PPT1: variants seen among roughly 807,000 people sequenced by gnomAD.
The protein encoded by PPT1 is ceroid-palmitoyl-palmitoyl-protein thioesterase 1.
PPT1 carries 24 observed loss-of-function variants against 44.0 expected under a neutral mutation model. The observed-to-expected ratio is 0.54, with a 90% CI of 0.39 to 0.77. The LOEUF is 0.77. Ranked by LOEUF, PPT1 falls within the 30% of genes least tolerant of loss-of-function variation. PPT1 has a pLI of 0.00. For synonymous variants in PPT1, 148 were observed against 140.2 expected, an observed-to-expected ratio of 1.06 and a Z score of -0.39; for missense variants, 341 against 378.8, an observed-to-expected ratio of 0.90 and a Z score of 0.83.
intron 5 of PPT1, among the ~76,000 whole-genome samples, chr1:40,080,829 G>A (rs907303382): frequency 3.3e-5 from 5 of 152,100 alleles, no homozygotes; most frequent in East Asian, 1.9e-4. Context: ...AGCTGAGATC[G>A]CAGCACTGCA....
At chr1:40,076,246 C>G (rs935954521) in intron 8 of PPT1, among the ~76,000 whole-genome samples, 1 of 152,064 alleles carries the variant, frequency 6.6e-6, no homozygotes, top group African/African-American at 2.4e-5. Context: ...GGGTGGATCA[C>G]CTGAGGTCAG....
At chr1:40,078,246 G>A (rs1281692301) in intron 7 of PPT1, among the ~76,000 whole-genome samples, 2 of 152,130 alleles carry the variant, frequency 1.3e-5, no homozygotes, top group South Asian at 2.1e-4. Flanking sequence ...CACCCAGGCT[G>A]GGGTGCAGTG....
intron 6 of PPT1, among the ~76,000 whole-genome samples, chr1:40,079,619 C>T (rs1648819747): frequency 6.6e-6 from 1 of 152,104 alleles, no homozygotes; most frequent in South Asian, 2.1e-4. Flanking sequence ...TGGTCTCGAA[C>T]TCCTGACCTC....
chr1:40,076,612 A>G (rs1648644239), intron 8 of PPT1: 3 of 1,364,228 alleles, frequency 2.2e-6, no homozygotes, highest in South Asian at 1.6e-5. Flanking sequence ...TTTGGAAACC[A>G]TAAGGTTTCA....
intron 6 of PPT1, among the ~76,000 whole-genome samples, chr1:40,079,722 TCTGA>T (rs1648824200): frequency 6.6e-6 from 1 of 152,168 alleles, no homozygotes; most frequent in African/African-American, 2.4e-5. Flanking sequence ...TACCATCCTA[TCTGA>T]CTGACATGCC....
chr1:40,091,362 T>C lies in PPT1; in HGVS notation c.400A>G (p.Ile134Val). The C allele has an allele frequency of 1.2e-6, 2 of 1,613,986 alleles. No homozygotes were observed. The highest frequency in any genetic ancestry group is 1.7e-6 in the Non-Finnish European group (2 of 1,179,974). ...TGTCCCCCAACCGAGATCAGATTGA[T>C]CATGGGAGGTGAAGGGCATCTCTGA... The part of the protein sequence containing the change: ...VAQRCPSPPM[I>V]NLISVGGQHQ... The change falls in exon 4 of 9, where the codon ATC becomes GTC. Residue 134 changes from isoleucine (I) to valine (V), a missense_variant. Physicochemically the swap from Ile to Val is conservative, Grantham distance 29. Transcript: ENST00000642050.
At chr1:40,083,549 G>A (rs1348694587) in intron 5 of PPT1, among the ~76,000 whole-genome samples, 4 of 152,158 alleles carry the variant, frequency 2.6e-5, no homozygotes, top group East Asian at 1.9e-4. Context: ...TCACCCAAGC[G>A]CTCTGATGGA....
At position 40,073,657 on chromosome 1, in the gene PPT1, C is replaced by T; in HGVS notation, c.*404G>A. On this transcript the variant is annotated 3_prime_UTR_variant, in exon 9 of 9. Transcript: ENST00000642050. Reference sequence around the variant, plus strand: ...GCAAAACAAAGCATTTATGTGAGTACCTCAGGCCTGGGCACCTCTTTGCTT... The same window carrying T: ...GCAAAACAAAGCATTTATGTGAGTATCTCAGGCCTGGGCACCTCTTTGCTT... 4.3e-6 allele frequency: 1 copy of T among 234,002 alleles called. No homozygotes were observed. The highest frequency in any genetic ancestry group is 5.3e-5 in the South Asian group (1 of 18,808). The allele number at this position is 234,002 out of a possible 1,614,324, so 14.5% of individuals were successfully genotyped here. A position where few individuals can be genotyped will look rare whatever the true frequency, so the allele number is the denominator to read the frequency against.
At chr1:40,095,398 A>G (rs1293224781) in intron 1 of PPT1, among the ~76,000 whole-genome samples, 1 of 152,074 alleles carries the variant, frequency 6.6e-6, no homozygotes, top group African/African-American at 2.4e-5. Context: ...CTGTATGCCG[A>G]AGACTCCCTA....
chr1:40,078,541 G>A lies in PPT1; in HGVS notation c.726+19C>T, dbSNP rs1648749193. 6.2e-7 allele frequency: 1 copy of A among 1,604,474 alleles called. No homozygotes were observed. Among genetic ancestry groups the A allele is most frequent in the Non-Finnish European group, 8.5e-7 (1 of 1,171,448 alleles). On this transcript the variant is annotated intron_variant, in intron 7 of 8. Transcript: ENST00000642050. The stretch of plus-strand genomic sequence containing the variant: ...AATGCCATTTACTCTCCTGGCATGT[G>A]GCCTAAGTAGTGTCTCACCTCCGAA...
At chr1:40,094,309 A>G (rs914790058) in intron 1 of PPT1, among the ~76,000 whole-genome samples, 3 of 152,132 alleles carry the variant, frequency 2.0e-5, no homozygotes, top group African/African-American at 7.2e-5. Flanking sequence ...GGAGCACCCA[A>G]TCCAGATCCC....
At chr1:40,075,462 T>C (rs1648566277) in intron 8 of PPT1, among the ~76,000 whole-genome samples, 1 of 143,268 alleles carries the variant, frequency 7.0e-6, no homozygotes, top group South Asian at 2.3e-4. Context: ...AGTTCTTAGC[T>C]GTAATTTCTC....
At position 40,097,179 on chromosome 1, in the gene PPT1, AG is replaced by A; in HGVS notation, c.59del (p.Ala20ValfsTer17). The A allele has an allele frequency of 6.2e-7, 1 of 1,614,084 alleles. No homozygotes were observed. The highest frequency in any genetic ancestry group is 8.5e-7 in the Non-Finnish European group (1 of 1,179,962). On this transcript the variant is annotated frameshift_variant, in exon 1 of 9. Coordinates refer to ENST00000642050, the MANE Select transcript of PPT1 (RefSeq NM_000310.4). LOFTEE classifies it high-confidence loss of function. ...GGTCCAGATGCTGCAGCGCCCGAGA[AG>A]CGCAGGTCCATGGCAGGAGAGCCAC... The part of the protein sequence containing the change: ...LAVALLPWTC[A>X]SRALQHLDPP...
At chr1:40,075,383 GCAGTTACGA>G (rs1373125751) in intron 8 of PPT1, 1 of 152,020 alleles carries the variant, frequency 6.6e-6, no homozygotes, top group Non-Finnish European at 1.5e-5. Context: ...GGGAAGATAA[GCAGTTACGA>G]CAGTGCCAGA....
intron 5 of PPT1, among the ~76,000 whole-genome samples, chr1:40,088,033 T>C (rs1238825787): frequency 2.0e-5 from 3 of 152,102 alleles, no homozygotes; most frequent in African/African-American, 7.2e-5. Context: ...GAATATACTG[T>C]AATAAAAAGT....
intron 5 of PPT1, among the ~76,000 whole-genome samples, chr1:40,088,130 C>T (rs373201675): frequency 6.6e-6 from 1 of 152,038 alleles, no homozygotes; most frequent in African/African-American, 2.4e-5. Context: ...GCACGTCAGA[C>T]CTACCATCAA....
chr1:40,093,883 CAAAAAAA>C (rs11345893), intron 1 of PPT1: 67 of 449,852 alleles, frequency 1.5e-4, no homozygotes, highest in South Asian at 4.4e-4. Context: ...GGCTCCATCT[CAAAAAAA>C]AAAAAAAAAA....
At chr1:40,091,891 T>G (rs1414332360) in intron 3 of PPT1, among the ~76,000 whole-genome samples, 154 bp downstream of exon 3, 1 of 149,386 alleles carries the variant, frequency 6.7e-6, no homozygotes, top group Non-Finnish European at 1.5e-5. Flanking sequence ...AGAAAAGAAA[T>G]TAAGTTCCAT....
rs541961703 is a variant in PPT1, at chr1:40,072,881, G to A, written c.*1180C>T. The A allele has an allele frequency of 7.2e-5, 11 of 152,304 alleles. No homozygotes were observed. Among genetic ancestry groups the A allele is most frequent in the African/African-American group, 1.7e-4 (7 of 41,556 alleles). 9.4% of individuals were successfully genotyped at this position (152,304 alleles called of 1,614,324 possible). On this transcript the variant is annotated 3_prime_UTR_variant, in exon 9 of 9. Coordinates refer to ENST00000642050, the MANE Select transcript of PPT1 (RefSeq NM_000310.4). ...ACCAACACGGTTCTTTCATCAAGGC[G>A]TAGCTCATCATTTCTCCAAACTGAC...
Sources: gnomAD v4.1 joint callset for allele counts (sites outside exome capture counted in the v4.1 genomes callset) on GRCh38, gnomAD v4.1.1 for gene constraint, MANE v1.5 for transcripts, NCBI Gene and HGNC (gene_info 2026-07-23, HGNC 2026-07-21) for gene names.